The following MAP7 variants were observed in gnomAD, a reference collection of about 807,000 sequenced individuals.
The protein encoded by MAP7 is microtubule associated protein 7.
Under a neutral mutation model 94.8 loss-of-function variants are expected in MAP7, and 52 were observed. That is an observed-to-expected ratio of 0.55 (90% CI 0.44 to 0.69). The LOEUF (loss-of-function observed/expected upper bound fraction) is 0.69, where lower values mean the gene tolerates loss of function less well. MAP7 is among the 30% of genes least tolerant of loss of function. The pLI is 0.00. For synonymous variants in MAP7, 350 were observed against 357.0 expected (o/e 0.98, Z 0.22); for missense variants, 940 against 964.6 (o/e 0.97, Z 0.34).
At chr6:136,352,969 T>C (rs1020609246) in intron 16 of MAP7, among the ~76,000 whole-genome samples, 16 of 152,130 alleles carry the variant, frequency 1.1e-4, no homozygotes, top group African/African-American at 3.9e-4. Context: ...GGATGACAAA[T>C]TTCAAAATAA....
rs1286706071 is a variant in MAP7, at chr6:136,345,933, G to T, written c.2162C>A (p.Pro721Gln). The change falls in exon 17 of 18, where the codon CCA (proline) becomes CAA (glutamine). Residue 721 changes from proline to glutamine, a missense_variant. Coordinates refer to ENST00000354570, the MANE Select transcript of MAP7 (RefSeq NM_003980.6). Reference protein sequence around the residue: ...NSESPEIPLNPILAFDDEGTL... With the variant: ...NSESPEIPLNQILAFDDEGTL... ...CCCTTCATCATCAAAGGCCAAAATTGGATTCAAAGGAATTTCTGGGCTCTC... is the reference window on the plus strand; with the variant it reads ...CCCTTCATCATCAAAGGCCAAAATTTGATTCAAAGGAATTTCTGGGCTCTC... 1 of 1,614,058 alleles carries T rather than the reference G, an allele frequency of 6.2e-7. No homozygotes were observed. The highest frequency in any genetic ancestry group is 1.7e-5 in the Admixed American group (1 of 60,008).
At chr6:136,484,318 T>G (rs758493973) in intron 1 of MAP7, among the ~76,000 whole-genome samples, 1 of 152,134 alleles carries the variant, frequency 6.6e-6, no homozygotes, top group Non-Finnish European at 1.5e-5. Context: ...TAGTAAAGTA[T>G]AGTAATTTTG....
intron 1 of MAP7, among the ~76,000 whole-genome samples, chr6:136,517,032 T>C (rs1825079152): frequency 6.6e-6 from 1 of 152,128 alleles, no homozygotes; most frequent in African/African-American, 2.4e-5. Context: ...TCACTGCTAC[T>C]GTTCCCTGAT....
intron 2 of MAP7, among the ~76,000 whole-genome samples, chr6:136,419,335 T>C (rs976060074): frequency 6.6e-6 from 1 of 152,216 alleles, no homozygotes; most frequent in Non-Finnish European, 1.5e-5. Flanking sequence ...CAGTGGTGGA[T>C]GGGGAGAACC....
In MAP7 at chr6:136,344,370, C is replaced by T. The variant is rs144702044; in HGVS notation, c.2240-132G>A. 7 of 371,114 alleles carry T rather than the reference C, an allele frequency of 1.9e-5. No homozygotes were observed. The East Asian group carries it at 2.3e-4, about 12-fold the overall frequency. 23.0% of individuals were successfully genotyped at this position (371,114 alleles called of 1,614,324 possible). On this transcript the variant is annotated intron_variant, in intron 17 of 17. Coordinates refer to ENST00000354570, the MANE Select transcript of MAP7 (RefSeq NM_003980.6). ...TTATATACACTTATATAAGAATAGGCAATTCTGTTAGGATTCACAGTCTTA... is the reference window on the plus strand; with the variant it reads ...TTATATACACTTATATAAGAATAGGTAATTCTGTTAGGATTCACAGTCTTA...
intron 2 of MAP7, among the ~76,000 whole-genome samples, chr6:136,421,207 G>T (rs1415853483): frequency 1.3e-5 from 2 of 152,196 alleles, no homozygotes; most frequent in African/African-American, 4.8e-5. Context: ...TCATTGCAAG[G>T]AATAGGAAAC....
chr6:136,377,932 C>T, intron 6 of MAP7, 64 bp from the exon 7 acceptor site: 1 of 1,176,704 alleles, frequency 8.5e-7, no homozygotes, highest in Non-Finnish European at 1.3e-6. Context: ...GGGCATAATA[C>T]ATCGTACCTA....
At position 136,368,759 on chromosome 6, in the gene MAP7, CAAAT is replaced by C. The variant is rs540401559; in HGVS notation, c.877-2324_877-2321del. On this transcript the variant is annotated intron_variant, in intron 8 of 17. Coordinates refer to ENST00000354570, the MANE Select transcript of MAP7 (RefSeq NM_003980.6). ...GTGCTGAAAGAAATTAAAGGCAACA[CAAAT>C]AAATGGAAGGAAGTCCTGTGTGCAG... Among the ~76,000 whole-genome samples, 255 of 151,402 alleles carry C rather than the reference CAAAT, an allele frequency of 1.7e-3. 1 individual carries two copies. The highest frequency in any genetic ancestry group is 5.7e-3 in the African/African-American group (234 of 41,004).
chr6:136,440,842 C>T (rs1317169786), intron 1 of MAP7, among the ~76,000 whole-genome samples: 2 of 150,850 alleles, frequency 1.3e-5, no homozygotes, highest in South Asian at 2.1e-4. Flanking sequence ...AAAAAAAAAC[C>T]CTCCCCTAAC....
intron 8 of MAP7, among the ~76,000 whole-genome samples, chr6:136,368,292 A>G (rs2179288): frequency 0.76 from 115,434 of 151,824 alleles, 44,722 homozygotes; most frequent in Middle Eastern, 0.86. Context: ...AGGCACTCCC[A>G]ATTCTCATCC....
Position 136,465,505 on chromosome 6 carries a change from T to C in MAP7, c.68-43706A>G, listed in dbSNP as rs185620121. Among the ~76,000 whole-genome samples the C allele has an allele frequency of 3.1e-3, 469 of 152,202 alleles. 1 individual carries two copies. The highest frequency in any genetic ancestry group is 7.3e-3 in the Admixed American group (112 of 15,294). ...AAAGATACGTCTCCATAAAACAGAA[T>C]CATTAAGGGCAAAAAAAATGGAAAG... On this transcript the variant is annotated intron_variant, in intron 1 of 17. Coordinates refer to ENST00000354570, the MANE Select transcript of MAP7 (RefSeq NM_003980.6).
chr6:136,421,805 G>C lies in MAP7; in HGVS notation c.68-6C>G, dbSNP rs1340866438. Reference sequence around the variant, plus strand: ...CACTTTGTAGCTGTCGGGTGCTACAGAAATGAGACAAAAGAGAAAAGACAC... The same window carrying C: ...CACTTTGTAGCTGTCGGGTGCTACACAAATGAGACAAAAGAGAAAAGACAC... On this transcript the variant is annotated splice_region_variant and splice_polypyrimidine_tract_variant and intron_variant, in intron 1 of 17. Coordinates refer to ENST00000354570, the MANE Select transcript of MAP7 (RefSeq NM_003980.6). 6.3e-7 allele frequency: 1 copy of C among 1,591,444 alleles called. No homozygotes were observed. Among genetic ancestry groups the C allele is most frequent in the Non-Finnish European group, 8.5e-7 (1 of 1,171,412 alleles).
Position 136,356,778 on chromosome 6 carries a change from T to A in MAP7, c.1929A>T (p.Pro643=). The A allele has an allele frequency of 6.2e-7, 1 of 1,614,096 alleles. No individual in the cohort carries two copies. The highest frequency in any genetic ancestry group is 8.5e-7 in the Non-Finnish European group (1 of 1,179,958). Residue 643 remains proline, a synonymous_variant, in exon 16 of 18, where the codon CCA becomes CCT. Transcript: ENST00000354570. The stretch of plus-strand genomic sequence containing the variant: ...CATTTCCCGGAGCGTTTGTTGTACA[T>A]GGAAGTGCAGACACCTCTGGGCATA... ...LTGGTEVSAL[P]CTTNAPGNGK...
chr6:136,516,652 T>C (rs1824942188), intron 1 of MAP7, among the ~76,000 whole-genome samples: 1 of 152,208 alleles, frequency 6.6e-6, no homozygotes. Context: ...AATTTGGTGC[T>C]TTCTCCATCG....
intron 1 of MAP7, among the ~76,000 whole-genome samples, chr6:136,460,558 A>C (rs1038206238): frequency 6.6e-6 from 1 of 152,172 alleles, no homozygotes; most frequent in Non-Finnish European, 1.5e-5. Context: ...TAGAAAGCAA[A>C]AGGAAACAAG....
At chr6:136,351,243 A>T (rs1433915864) in intron 16 of MAP7, among the ~76,000 whole-genome samples, 3 of 151,944 alleles carry the variant, frequency 2.0e-5, no homozygotes, top group Non-Finnish European at 4.4e-5. Context: ...TGGTAAAAAA[A>T]AAAAAAAAAA....
intron 1 of MAP7, among the ~76,000 whole-genome samples, chr6:136,458,506 T>C (rs533292068): frequency 6.6e-6 from 1 of 152,196 alleles, no homozygotes; most frequent in South Asian, 2.1e-4. Context: ...GCATCACACT[T>C]TTCTATTTCA....
chr6:136,489,001 C>T (rs1815655806), intron 1 of MAP7, among the ~76,000 whole-genome samples: 1 of 152,004 alleles, frequency 6.6e-6, no homozygotes, highest in Non-Finnish European at 1.5e-5. Context: ...TTCCTGAGCT[C>T]AAGCAATCCT....
intron 1 of MAP7, among the ~76,000 whole-genome samples, chr6:136,464,371 C>G (rs145823851): frequency 6.6e-6 from 1 of 152,192 alleles, no homozygotes; most frequent in Non-Finnish European, 1.5e-5. Context: ...TTGGTGAGTA[C>G]AGTACAATAA....
Sources: allele counts gnomAD v4.1 joint callset (sites outside exome capture counted in the v4.1 genomes callset), GRCh38; gene constraint gnomAD v4.1.1; transcripts MANE v1.5; gene names NCBI Gene and HGNC (gene_info 2026-07-23, HGNC 2026-07-21).